HDAC9: variants seen among roughly 807,000 people sequenced by gnomAD.
The protein encoded by HDAC9 is MEF-2 interacting transcription repressor (MITR) protein.
Under a neutral mutation model 139.4 loss-of-function variants are expected in HDAC9, and 41 were observed. The observed-to-expected ratio is 0.29, with a 90% CI of 0.23 to 0.38. HDAC9 has a LOEUF of 0.38. Ranked by LOEUF, HDAC9 falls within the 10% of genes least tolerant of loss-of-function variation. HDAC9 has a pLI of 1.00. For synonymous variants in HDAC9, 517 were observed against 476.2 expected (o/e 1.09, Z -1.12); for missense variants, 1,147 against 1,297.0 (o/e 0.88, Z 1.78).
intron 22 of HDAC9, among the ~76,000 whole-genome samples, chr7:18,888,048 A>G (rs915218442): frequency 1.3e-5 from 2 of 152,178 alleles, no homozygotes; most frequent in Admixed American, 1.3e-4. Flanking sequence ...TCTTATCCCA[A>G]GTCACCTAAC....
chr7:18,458,715 AT>A lies in HDAC9; in HGVS notation c.-41-37546del, dbSNP rs1255363186. On this transcript the variant is annotated intron_variant, in intron 1 of 3. Coordinates refer to the HDAC9 transcript ENST00000413509. ...AACTAGGCAAAACTTCGATTAATAA[AT>A]GATAAGCTGTAGACCTCTACTCAGA... 7.0e-6 allele frequency: 4 copies of A among 568,406 alleles called. No individual in the cohort carries two copies. The East Asian group carries it at 1.1e-4, about 16-fold the overall frequency. 35.2% of individuals were successfully genotyped at this position (568,406 alleles called of 1,614,324 possible).
intron 2 of HDAC9, among the ~76,000 whole-genome samples, chr7:18,529,724 C>G (rs1808211267): frequency 6.6e-6 from 1 of 152,116 alleles, no homozygotes; most frequent in South Asian, 2.1e-4. Context: ...TGCATTCATA[C>G]ATTGTTGAGG....
At chr7:18,169,193 T>C (rs988038134) in intron 2 of HDAC9, among the ~76,000 whole-genome samples, 1 of 152,120 alleles carries the variant, frequency 6.6e-6, no homozygotes, top group Non-Finnish European at 1.5e-5. Flanking sequence ...CACCTCGGCC[T>C]CCCAAAGTGC....
rs1482006749 is a variant in HDAC9 at position 18,774,149 on chromosome 7, TAG to T, written c.2214+6997_2214+6998del. On this transcript the variant is annotated intron_variant, in intron 16 of 25. Coordinates refer to ENST00000686413, the MANE Select transcript of HDAC9 (RefSeq NM_178425.4). ...TAGACTAGCAGTATCATTATTGCTA[TAG>T]AGTGTCTTAACTTTAAATAAAAAAT... Among the ~76,000 whole-genome samples, 39 of 152,036 alleles carry T rather than the reference TAG, an allele frequency of 2.6e-4. 1 individual carries two copies. Among genetic ancestry groups the T allele is most frequent in the Admixed American group, 2.2e-3 (34 of 15,234 alleles).
chr7:18,870,152 A>T (rs1171705577), intron 21 of HDAC9, among the ~76,000 whole-genome samples: 1 of 152,166 alleles, frequency 6.6e-6, no homozygotes, highest in African/African-American at 2.4e-5. Flanking sequence ...CAAAATTAAC[A>T]AAGTAATATG....
chr7:18,812,968 A>G (rs1453947034), intron 17 of HDAC9, among the ~76,000 whole-genome samples: 2 of 151,940 alleles, frequency 1.3e-5, no homozygotes, highest in Non-Finnish European at 2.9e-5. Context: ...ACATTGTACT[A>G]TTTACTTCTA....
At chr7:18,115,802 A>G (rs1562635862) in intron 1 of HDAC9, among the ~76,000 whole-genome samples, 1 of 152,234 alleles carries the variant, frequency 6.6e-6, no homozygotes, top group African/African-American at 2.4e-5. Context: ...CTAGAAGCTG[A>G]TACTACTATC....
chr7:18,159,529 G>A (rs1380194693), intron 1 of HDAC9, among the ~76,000 whole-genome samples: 1 of 152,124 alleles, frequency 6.6e-6, no homozygotes, highest in African/African-American at 2.4e-5. Flanking sequence ...CCTAAAAGGT[G>A]TGGATCAGGC....
intron 17 of HDAC9, among the ~76,000 whole-genome samples, chr7:18,794,760 A>C (rs1170618183): frequency 1.3e-5 from 2 of 152,364 alleles, no homozygotes; most frequent in African/African-American, 4.8e-5. Flanking sequence ...ACTGCAATAA[A>C]TTAACACTTT....
At position 18,317,131 on chromosome 7, in the gene HDAC9, A is replaced by T. The variant is rs968861618; in HGVS notation, c.-42+26616A>T. ...TAAATAAATAAATAAATAAATAAAT[A>T]AATAAATAAATAAATAAATGGCGCC... is the stretch of plus-strand genomic sequence containing the variant. On this transcript the variant is annotated intron_variant, in intron 1 of 3. Transcript: ENST00000413509. 5.1e-4 allele frequency among the ~76,000 whole-genome samples: 75 copies of T among 148,060 alleles called. 3 individuals carry two copies. The highest frequency in any genetic ancestry group is 2.2e-4 in the Non-Finnish European group (15 of 67,186).
rs1249613890 is a variant in HDAC9, at chr7:18,998,414, A to AC, written c.*2353dup. On this transcript the variant is annotated 3_prime_UTR_variant, in exon 26 of 26. Transcript: ENST00000686413. ...ACACATTAATGAGTTAATCACACAT[A>AC]CTCCCATATGACACCATACCCAATT... is the stretch of plus-strand genomic sequence containing the variant. The AC allele has an allele frequency of 6.6e-6, 1 of 152,166 alleles. No homozygotes were observed. Among genetic ancestry groups the AC allele is most frequent in the Non-Finnish European group, 1.5e-5 (1 of 68,038 alleles). 9.4% of individuals were successfully genotyped at this position (152,166 alleles called of 1,614,324 possible).
At chr7:18,252,869 G>A (rs1156777748) in intron 2 of HDAC9, among the ~76,000 whole-genome samples, 1 of 152,046 alleles carries the variant, frequency 6.6e-6, no homozygotes, top group Non-Finnish European at 1.5e-5. Flanking sequence ...CATCACCCAG[G>A]TATTAAGCCT....
chr7:18,380,416 C>T (rs1170764875), intron 1 of HDAC9, among the ~76,000 whole-genome samples: 8 of 152,136 alleles, frequency 5.3e-5, no homozygotes, highest in East Asian at 1.9e-4. Context: ...TTGATTAAAT[C>T]GTATATTGCA....
chr7:18,434,888 G>A (rs569557787), intron 1 of HDAC9, among the ~76,000 whole-genome samples: 6 of 152,010 alleles, frequency 3.9e-5, no homozygotes, highest in African/African-American at 1.4e-4. Flanking sequence ...TCTCATTATC[G>A]GGTATATTCC....
intron 1 of HDAC9, among the ~76,000 whole-genome samples, chr7:18,487,751 A>G (rs530789997): frequency 2.6e-5 from 4 of 152,182 alleles, no homozygotes; most frequent in Admixed American, 2.6e-4. Context: ...AGTTGTTGCT[A>G]TTTTCAGAGG....
intron 6 of HDAC9, among the ~76,000 whole-genome samples, chr7:18,618,859 A>G (rs896812679): frequency 6.6e-6 from 1 of 150,906 alleles, no homozygotes; most frequent in African/African-American, 2.4e-5. Context: ...ACATAAACAC[A>G]TGTATGAATT....
At position 18,262,515 on chromosome 7, in the gene HDAC9, A is replaced by T. The variant is rs140983513; in HGVS notation, c.25+100166A>T. Among the ~76,000 whole-genome samples, 441 of 152,340 alleles carry T rather than the reference A, an allele frequency of 2.9e-3. 2 individuals are homozygous for T. Among genetic ancestry groups the T allele is most frequent in the African/African-American group, 9.8e-3 (408 of 41,582 alleles). On this transcript the variant is annotated intron_variant, in intron 2 of 12. Coordinates refer to the HDAC9 transcript ENST00000417496. ...GTCCTTCAGGCTGAAATAAAAGGGTATTAGATCACAATTCAAATCCACATG... is the reference window on the plus strand; with the variant it reads ...GTCCTTCAGGCTGAAATAAAAGGGTTTTAGATCACAATTCAAATCCACATG...
intron 12 of HDAC9, among the ~76,000 whole-genome samples, chr7:18,704,007 G>C (rs1163321010): frequency 2.0e-5 from 3 of 152,194 alleles, no homozygotes; most frequent in Non-Finnish European, 4.4e-5. Flanking sequence ...TCCTGGACTA[G>C]AGGAGGAGGG....
intron 1 of HDAC9, among the ~76,000 whole-genome samples, chr7:18,101,160 C>G (rs1426855192): frequency 6.6e-6 from 1 of 152,130 alleles, no homozygotes; most frequent in Non-Finnish European, 1.5e-5. Flanking sequence ...CTCTGAATAT[C>G]TCTTCATATT....
Sources: gnomAD v4.1 joint callset for allele counts (sites outside exome capture counted in the v4.1 genomes callset) on GRCh38, gnomAD v4.1.1 for gene constraint, MANE v1.5 for transcripts, NCBI Gene and HGNC (gene_info 2026-07-23, HGNC 2026-07-21) for gene names.